The following TBC1D14 variants were observed in gnomAD, a reference collection of about 807,000 sequenced individuals.
TBC1D14 encodes TBC1 domain family member 14, also known as TBC1 domain family, member 14.
Under a neutral mutation model 79.0 loss-of-function variants are expected in TBC1D14, and 26 were observed. The observed-to-expected ratio is 0.33, with a 90% confidence interval of 0.24 to 0.46. The LOEUF is 0.46. Ranked by LOEUF, TBC1D14 falls within the 20% of genes least tolerant of loss-of-function variation. TBC1D14 has a pLI of 1.00. For missense variants in TBC1D14, 769 were observed against 887.6 expected (o/e 0.87, Z 1.70); for synonymous variants, 394 against 349.9 (o/e 1.13, Z -1.40).
At position 6,924,060 on chromosome 4, in the gene TBC1D14, A is replaced by G. The variant is rs768486406; in HGVS notation, c.671A>G (p.Glu224Gly). 1 of 1,613,970 alleles carries G rather than the reference A, an allele frequency of 6.2e-7. No homozygotes were observed. The highest frequency in any genetic ancestry group is 8.5e-7 in the Non-Finnish European group (1 of 1,180,016). ...LHQQDCVHEA[E>G]EGSKLKILGP... ...CAGCAGGACTGTGTTCATGAAGCTG[A>G]GGAGGGGAGTAAATTGAAAATATTG... is the stretch of plus-strand genomic sequence containing the variant. Residue 224 changes from glutamate (E) to glycine (G), a missense_variant, in exon 2 of 14, where the codon GAG (glutamate) becomes GGG (glycine). Glu to Gly is a moderately conservative substitution (Grantham distance 98). Around this residue, in one of 2 missense-constraint regions of TBC1D14, gnomAD observed 402 missense variants for 393.2 expected, o/e 1.02. Coordinates refer to ENST00000409757, the MANE Select transcript of TBC1D14 (RefSeq NM_020773.3).
intron 12 of TBC1D14, among the ~76,000 whole-genome samples, chr4:7,019,785 A>T: frequency 1.0e-5 from 1 of 100,078 alleles, no homozygotes; most frequent in Non-Finnish European, 2.0e-5. Context: ...TGGGGCACAG[A>T]GGTGGGTATG....
intron 12 of TBC1D14, among the ~76,000 whole-genome samples, chr4:7,017,284 A>G (rs1329495388): frequency 6.6e-6 from 1 of 152,160 alleles, no homozygotes; most frequent in Non-Finnish European, 1.5e-5. Context: ...TGGGTGACAG[A>G]GTGGGCCTCT....
intron 2 of TBC1D14, among the ~76,000 whole-genome samples, chr4:6,953,629 CAA>C (rs750667631): frequency 2.0e-4 from 11 of 55,050 alleles, no homozygotes; most frequent in East Asian, 1.4e-3. Flanking sequence ...GACTCCGTCT[CAA>C]AAAAAAAAAA....
At chr4:6,951,307 C>T (rs1379348136) in intron 2 of TBC1D14, among the ~76,000 whole-genome samples, 2 of 151,870 alleles carry the variant, frequency 1.3e-5, no homozygotes, top group Non-Finnish European at 2.9e-5. Context: ...AAATAAACAA[C>T]AACAACAACA....
chr4:6,954,555 T>C (rs1254523096), intron 2 of TBC1D14, among the ~76,000 whole-genome samples: 1 of 152,216 alleles, frequency 6.6e-6, no homozygotes, highest in African/African-American at 2.4e-5. Flanking sequence ...TTTGTGCTTA[T>C]GTGTATCTCA....
chr4:7,031,345 T>TG lies in TBC1D14; in HGVS notation c.*955dup, dbSNP rs2071324984. 1 of 152,326 alleles carries TG rather than the reference T, an allele frequency of 6.6e-6. No homozygotes were observed. Among genetic ancestry groups the TG allele is most frequent in the African/African-American group, 2.4e-5 (1 of 41,460 alleles). 9.4% of individuals were successfully genotyped at this position (152,326 alleles called of 1,614,324 possible). On this transcript the variant is annotated 3_prime_UTR_variant, in exon 14 of 14. Coordinates refer to ENST00000409757, the MANE Select transcript of TBC1D14 (RefSeq NM_020773.3). ...TCTCTGCCTTTGAGCCCTGCACAGC[T>TG]GGACCCATCCTAAGTGCCAGTGAGT...
chr4:6,924,356 G>T (rs541968906), intron 2 of TBC1D14, among the ~76,000 whole-genome samples: 4 of 152,312 alleles, frequency 2.6e-5, no homozygotes, highest in African/African-American at 9.6e-5. Context: ...CCTCTGACCT[G>T]CTGTGGCTGT....
chr4:6,987,313 C>T, intron 3 of TBC1D14: 1 of 1,396,154 alleles, frequency 7.2e-7, no homozygotes, highest in Non-Finnish European at 9.4e-7. Flanking sequence ...GGGCATGGAG[C>T]CTCCGGCCGC....
intron 9 of TBC1D14, among the ~76,000 whole-genome samples, chr4:7,007,023 G>C (rs935379669): frequency 2.6e-5 from 4 of 152,204 alleles, no homozygotes; most frequent in African/African-American, 9.7e-5. Flanking sequence ...ATGGGTGGCT[G>C]TGTCTGCTGG....
At chr4:6,951,044 C>T (rs1400504381) in intron 2 of TBC1D14, among the ~76,000 whole-genome samples, 1 of 152,228 alleles carries the variant, frequency 6.6e-6, no homozygotes. Flanking sequence ...AATCCCAGCA[C>T]TTTGGGAAAC....
intron 3 of TBC1D14, among the ~76,000 whole-genome samples, chr4:6,982,501 A>G (rs1048582074): frequency 6.6e-6 from 1 of 152,336 alleles, no homozygotes; most frequent in Middle Eastern, 3.4e-3. Flanking sequence ...ACTGTTTTAT[A>G]TCTTGATTGT....
chr4:6,994,571 G>T (rs535868341), intron 4 of TBC1D14, among the ~76,000 whole-genome samples: 3 of 152,242 alleles, frequency 2.0e-5, no homozygotes, highest in African/African-American at 7.2e-5. Context: ...GTTGTCAGCT[G>T]GGTGCAGTGG....
intron 2 of TBC1D14, among the ~76,000 whole-genome samples, chr4:6,931,952 G>A (rs185907738): frequency 4.0e-4 from 61 of 151,968 alleles, no homozygotes; most frequent in East Asian, 2.1e-3. Context: ...TAAGAGCTAC[G>A]GAGAAAGCCA....
chr4:6,974,099 C>G (rs564628691), intron 3 of TBC1D14, among the ~76,000 whole-genome samples: 1 of 151,958 alleles, frequency 6.6e-6, no homozygotes, highest in East Asian at 1.9e-4. Context: ...GCTGGGATTA[C>G]AGACATGAGC....
At chr4:7,029,561 C>T (rs560422860) in intron 13 of TBC1D14, among the ~76,000 whole-genome samples, 1 of 152,334 alleles carries the variant, frequency 6.6e-6, no homozygotes, top group Non-Finnish European at 1.5e-5. Flanking sequence ...GGGTGTTGGC[C>T]TGGCATGGTG....
In TBC1D14 at chr4:7,014,438, A is replaced by G; in HGVS notation, c.1648-10A>G. ...ATAGTTTCTGAGTAAATTTCATATT[A>G]TCTCCCTAGATGTTGACTTATTTTG... On this transcript the variant is annotated splice_polypyrimidine_tract_variant and intron_variant, in intron 11 of 13. Coordinates refer to ENST00000409757, the MANE Select transcript of TBC1D14 (RefSeq NM_020773.3). The G allele has an allele frequency of 1.3e-6, 2 of 1,583,350 alleles. No homozygotes were observed. Among genetic ancestry groups the G allele is most frequent in the East Asian group, 2.2e-5 (1 of 44,720 alleles).
intron 2 of TBC1D14, among the ~76,000 whole-genome samples, chr4:6,966,742 TTTG>T (rs1715728823): frequency 6.6e-6 from 1 of 152,254 alleles, no homozygotes; most frequent in African/African-American, 2.4e-5. Flanking sequence ...TCTGATACCC[TTTG>T]TTATGACATA....
At chr4:6,918,612 C>T (rs1280306515) in intron 1 of TBC1D14, among the ~76,000 whole-genome samples, 1 of 152,214 alleles carries the variant, frequency 6.6e-6, no homozygotes, top group Non-Finnish European at 1.5e-5. Context: ...TTAAGCACCT[C>T]ATTTGAGGTC....
intron 2 of TBC1D14, among the ~76,000 whole-genome samples, chr4:6,938,038 G>A (rs555542689): frequency 1.3e-4 from 20 of 152,258 alleles, no homozygotes; most frequent in Non-Finnish European, 1.6e-4. Context: ...CACTCCTCCC[G>A]GGTGCTGGGT....
Sources: gnomAD v4.1 joint callset for allele counts (sites outside exome capture counted in the v4.1 genomes callset) on GRCh38, gnomAD v4.1.1 for gene constraint, gnomAD v4.1.1 regional missense constraint, MANE v1.5 for transcripts, NCBI Gene and HGNC (gene_info 2026-07-23, HGNC 2026-07-21) for gene names.